ANKRD52: variants seen among roughly 807,000 people sequenced by gnomAD.
ANKRD52 encodes the protein serine/threonine-protein phosphatase 6 regulatory ankyrin repeat subunit C.
A neutral mutation model predicts 116.0 loss-of-function variants in ANKRD52; 7 were observed. The ratio of observed to expected loss-of-function variants is 0.06; its 90% CI spans 0.03 to 0.11. ANKRD52 has a LOEUF of 0.11. Ranked by LOEUF, ANKRD52 falls within the 10% of genes least tolerant of loss-of-function variation. The pLI, the probability that ANKRD52 is intolerant of heterozygous loss-of-function variation, is 1.00. For missense variants in ANKRD52, 839 were observed against 1,408.6 expected (o/e 0.60, Z 6.47); for synonymous variants, 528 against 578.1 (o/e 0.91, Z 1.24).
At position 56,258,365 on chromosome 12, in the gene ANKRD52, G is replaced by A. The variant is rs922994543; in HGVS notation, c.-96C>T. The A allele has an allele frequency of 3.1e-6, 4 of 1,294,296 alleles. No individual in the cohort carries two copies. The highest frequency in any genetic ancestry group is 2.3e-5 in the South Asian group (1 of 43,430). The allele number at this position is 1,294,296 out of a possible 1,614,324, so 80.2% of individuals were successfully genotyped here. A position where few individuals can be genotyped will look rare whatever the true frequency, so the allele number is the denominator to read the frequency against. On this transcript the variant is annotated 5_prime_UTR_variant, in exon 1 of 28. Coordinates refer to ENST00000267116, the MANE Select transcript of ANKRD52 (RefSeq NM_173595.4). ...CGGCCCAGGCGGCGGCTGCGGTGGC[G>A]GCTGCAGGGAGAGCGCGGCCCCGCC...
intron 20 of ANKRD52, 99 bp from the exon 21 acceptor site, chr12:56,245,695 C>T (rs1434774771): frequency 1.1e-6 from 1 of 873,632 alleles, no homozygotes; most frequent in Non-Finnish European, 1.7e-6. Context: ...ACTTCCAGGG[C>T]TCCAATCCTT....
chr12:56,249,019 C>T lies in ANKRD52; in HGVS notation c.1593-149G>A, dbSNP rs1267689258. 7.0e-6 allele frequency: 4 copies of T among 572,486 alleles called. No individual in the cohort carries two copies. The Admixed American group carries it at 1.3e-4, about 19-fold the overall frequency. 35.5% of individuals were successfully genotyped at this position (572,486 alleles called of 1,614,324 possible). On this transcript the variant is annotated intron_variant, in intron 15 of 27. Coordinates refer to ENST00000267116, the MANE Select transcript of ANKRD52 (RefSeq NM_173595.4). ...TCTAGGTAGGTTCTCTAAATCCTACCCATTCTTCAATGGCAGCTCCAGACC... is the reference window on the plus strand; with the variant it reads ...TCTAGGTAGGTTCTCTAAATCCTACTCATTCTTCAATGGCAGCTCCAGACC...
rs2135875103 is a variant in ANKRD52, at chr12:56,242,043, T to C, written c.*1099A>G. The C allele has an allele frequency of 5.0e-6, 2 of 398,536 alleles. No individual in the cohort carries two copies. The highest frequency in any genetic ancestry group is 4.4e-6 in the Non-Finnish European group (1 of 226,072). The allele number at this position is 398,536 out of a possible 1,614,324, so 24.7% of individuals were successfully genotyped here. A position where few individuals can be genotyped will look rare whatever the true frequency, so the allele number is the denominator to read the frequency against. On this transcript the variant is annotated 3_prime_UTR_variant, in exon 28 of 28. Coordinates refer to ENST00000267116, the MANE Select transcript of ANKRD52 (RefSeq NM_173595.4). The surrounding 1 kb of genome is among the most constrained non-coding windows in gnomAD (Gnocchi z 4.3). ...GTCGGCCCTGCCCCTCCTACCATCT[T>C]TGGCTTCAGATCAGGAGTGACTGGG...
chr12:56,252,651 T>A lies in ANKRD52; in HGVS notation c.1302-81A>T. ...GGGTGGGGCTAAGGAAGGATGGGAC[T>A]AGCAAGCCCTTTCTGCTGTGACTGC... On this transcript the variant is annotated intron_variant, in intron 12 of 27. Transcript: ENST00000267116. This position sits in a 1 kb window ranked among gnomAD's most constrained non-coding sequence, Gnocchi z 4.7. The A allele has an allele frequency of 6.5e-7, 1 of 1,543,486 alleles. No homozygotes were observed. The highest frequency in any genetic ancestry group is 8.9e-7 in the Non-Finnish European group (1 of 1,118,380).
Position 56,244,217 on chromosome 12 carries a change from G to A in ANKRD52, c.2806-84C>T. 5 of 1,554,748 alleles carry A rather than the reference G, an allele frequency of 3.2e-6. No individual in the cohort carries two copies. Among genetic ancestry groups the A allele is most frequent in the South Asian group, 2.2e-5 (2 of 89,472 alleles). ...GCAGGAGTTGGGGAGAGTAACAGGA[G>A]GACAAACAGCTGCCCAACCAGTCGG... On this transcript the variant is annotated intron_variant, in intron 25 of 27. Transcript: ENST00000267116. The surrounding 1 kb of genome is among the most constrained non-coding windows in gnomAD (Gnocchi z 4.9).
rs779148132 is a variant in ANKRD52, at chr12:56,248,904, C to T, written c.1593-34G>A. The T allele has an allele frequency of 6.7e-7, 1 of 1,488,652 alleles. No homozygotes were observed. The highest frequency in any genetic ancestry group is 9.1e-7 in the Non-Finnish European group (1 of 1,095,134). 92.2% of individuals were successfully genotyped at this position (1,488,652 alleles called of 1,614,324 possible). On this transcript the variant is annotated intron_variant, in intron 15 of 27. Transcript: ENST00000267116. This position sits in a 1 kb window ranked among gnomAD's most constrained non-coding sequence, Gnocchi z 5.1. ...CCGGGGGTAGACTGTGAGGCAGGGACAGGCCCAGCCCAGGAGGGCACAGTT... is the reference window on the plus strand; with the variant it reads ...CCGGGGGTAGACTGTGAGGCAGGGATAGGCCCAGCCCAGGAGGGCACAGTT...
rs1872054364 is a variant in ANKRD52, at chr12:56,258,129, G to C, written c.27+114C>G. On this transcript the variant is annotated intron_variant, in intron 1 of 27. Transcript: ENST00000267116. Reference sequence around the variant, plus strand: ...AGGGGAGCGCGGCATGGGGCGGGGCGGGAGCTGCGGGAGCCCCGGGCTCAG... The same window carrying C: ...AGGGGAGCGCGGCATGGGGCGGGGCCGGAGCTGCGGGAGCCCCGGGCTCAG... 2.7e-6 allele frequency: 4 copies of C among 1,501,712 alleles called. No individual in the cohort carries two copies. The Admixed American group carries it at 7.9e-5, about 30-fold the overall frequency. The allele number at this position is 1,501,712 out of a possible 1,614,324, so 93.0% of individuals were successfully genotyped here.
chr12:56,245,708 C>CTTTTTT (rs918818332), intron 20 of ANKRD52, 112 bp from the exon 21 acceptor site: 44 of 397,858 alleles, frequency 1.1e-4, no homozygotes, highest in South Asian at 2.2e-4. Context: ...CAATCCTTGT[C>CTTTTTT]TTTTTTTTTT....
chr12:56,247,281 G>A (rs919878522), intron 20 of ANKRD52, among the ~76,000 whole-genome samples: 1 of 151,078 alleles, frequency 6.6e-6, no homozygotes, highest in African/African-American at 2.4e-5. Flanking sequence ...AGGAAGTCAA[G>A]GCTGCAGTGA....
Position 56,244,217 on chromosome 12 carries a change from G to C in ANKRD52, c.2806-84C>G. The C allele has an allele frequency of 6.4e-7, 1 of 1,554,748 alleles. No homozygotes were observed. The highest frequency in any genetic ancestry group is 8.9e-7 in the Non-Finnish European group (1 of 1,127,890). ...GCAGGAGTTGGGGAGAGTAACAGGA[G>C]GACAAACAGCTGCCCAACCAGTCGG... is the stretch of plus-strand genomic sequence containing the variant. On this transcript the variant is annotated intron_variant, in intron 25 of 27. Coordinates refer to ENST00000267116, the MANE Select transcript of ANKRD52 (RefSeq NM_173595.4). This position sits in a 1 kb window ranked among gnomAD's most constrained non-coding sequence, Gnocchi z 4.9.
At position 56,253,460 on chromosome 12, in the gene ANKRD52, G is replaced by T; in HGVS notation, c.986-58C>A. On this transcript the variant is annotated intron_variant, in intron 9 of 27. Transcript: ENST00000267116. This position sits in a 1 kb window ranked among gnomAD's most constrained non-coding sequence, Gnocchi z 5.5. ...AGACCTCAGGCTTAAGACCACTTTC[G>T]CGAGCTAGCCATGATTTGAGTGCCT... 2 of 1,354,424 alleles carry T rather than the reference G, an allele frequency of 1.5e-6. No homozygotes were observed. The highest frequency in any genetic ancestry group is 2.1e-6 in the Non-Finnish European group (2 of 952,432). The allele number at this position is 1,354,424 out of a possible 1,614,324, so 83.9% of individuals were successfully genotyped here.
rs762476927 is a variant in ANKRD52, at chr12:56,244,695, A to G, written c.2679T>C (p.Thr893=). The part of the protein sequence containing the change: ...EVNATDHTGR[T]ALMTAAENGQ... The stretch of plus-strand genomic sequence containing the variant: ...CGTTCTCAGCCGCCGTCATGAGCGC[A>G]GTGCGGCCAGTGTGGTCAGTGGCGT... The change falls in exon 24 of 28, where the codon ACT becomes ACC. Residue 893 remains threonine (T), a synonymous_variant. Coordinates refer to ENST00000267116, the MANE Select transcript of ANKRD52 (RefSeq NM_173595.4). This position sits in a 1 kb window ranked among gnomAD's most constrained non-coding sequence, Gnocchi z 4.9. 1.4e-5 allele frequency: 23 copies of G among 1,613,970 alleles called. No homozygotes were observed. In the South Asian group the frequency reaches 2.4e-4, roughly 17 times the overall value.
chr12:56,244,638 T>C lies in ANKRD52; in HGVS notation c.2722+14A>G. 7 of 1,613,180 alleles carry C rather than the reference T, an allele frequency of 4.3e-6. No individual in the cohort carries two copies. The highest frequency in any genetic ancestry group is 5.9e-6 in the Non-Finnish European group (7 of 1,179,738). ...CAGGGGAGCTCCTCCCTTCCACAAG[T>C]GGCCCCTACACACCCACAGCAGCGG... On this transcript the variant is annotated intron_variant, in intron 24 of 27. Coordinates refer to ENST00000267116, the MANE Select transcript of ANKRD52 (RefSeq NM_173595.4). This position sits in a 1 kb window ranked among gnomAD's most constrained non-coding sequence, Gnocchi z 4.9.
chr12:56,245,045 T>C lies in ANKRD52; in HGVS notation c.2493-56A>G, dbSNP rs1427054906. ...AAGGACAAGGGAAGTAGACTACCTG[T>C]CCTAAGCTCAAGTCATGGGCCCTCG... On this transcript the variant is annotated intron_variant, in intron 22 of 27. Coordinates refer to ENST00000267116, the MANE Select transcript of ANKRD52 (RefSeq NM_173595.4). The C allele has an allele frequency of 3.4e-5, 55 of 1,612,614 alleles. No homozygotes were observed. In the South Asian group the frequency reaches 5.2e-4, roughly 15 times the overall value.
chr12:56,242,902 T>C lies in ANKRD52; in HGVS notation c.*240A>G. 1.9e-6 allele frequency: 1 copy of C among 513,946 alleles called. No individual in the cohort carries two copies. Among genetic ancestry groups the C allele is most frequent in the Non-Finnish European group, 3.4e-6 (1 of 295,572 alleles). The allele number at this position is 513,946 out of a possible 1,614,324, so 31.8% of individuals were successfully genotyped here. ...GCATTTAGCAATCATTTTGGGACACTTGGCAGAAGGGGTCGCCCTGGGGGT... is the reference window on the plus strand; with the variant it reads ...GCATTTAGCAATCATTTTGGGACACCTGGCAGAAGGGGTCGCCCTGGGGGT... On this transcript the variant is annotated 3_prime_UTR_variant, in exon 28 of 28. Coordinates refer to ENST00000267116, the MANE Select transcript of ANKRD52 (RefSeq NM_173595.4). The surrounding 1 kb of genome is among the most constrained non-coding windows in gnomAD (Gnocchi z 4.3).
rs1025927777 is a variant in ANKRD52 at position 56,253,258 on chromosome 12, C to T, written c.1100+30G>A. 6.3e-7 allele frequency: 1 copy of T among 1,596,372 alleles called. No homozygotes were observed. The highest frequency in any genetic ancestry group is 1.1e-5 in the South Asian group (1 of 90,054). ...GAGCAGTCTGTGCAGATCTGGGCAGCCCAGAAGTGGAGTCGGGGCCCTGAC... is the reference window on the plus strand; with the variant it reads ...GAGCAGTCTGTGCAGATCTGGGCAGTCCAGAAGTGGAGTCGGGGCCCTGAC... On this transcript the variant is annotated intron_variant, in intron 10 of 27. Coordinates refer to ENST00000267116, the MANE Select transcript of ANKRD52 (RefSeq NM_173595.4). This position sits in a 1 kb window ranked among gnomAD's most constrained non-coding sequence, Gnocchi z 5.5.
In ANKRD52 at chr12:56,247,459, A is replaced by G. The variant is rs1275520244; in HGVS notation, c.2184+34T>C. On this transcript the variant is annotated intron_variant, in intron 20 of 27. Coordinates refer to ENST00000267116, the MANE Select transcript of ANKRD52 (RefSeq NM_173595.4). ...GTCCCATGCTCCCACACTGAGGCCC[A>G]TGTGCAAACAATCCCCCCTAGAAGC... 4 of 1,523,414 alleles carry G rather than the reference A, an allele frequency of 2.6e-6. No individual in the cohort carries two copies. In the Admixed American group the frequency reaches 7.8e-5, roughly 30 times the overall value. The allele number at this position is 1,523,414 out of a possible 1,614,324, so 94.4% of individuals were successfully genotyped here.
rs1871993695 is a variant in ANKRD52 at position 56,257,174 on chromosome 12, T to C, written c.191-89A>G. The C allele has an allele frequency of 1.9e-6, 3 of 1,555,464 alleles. No individual in the cohort carries two copies. In the Admixed American group the frequency reaches 5.7e-5, roughly 30 times the overall value. On this transcript the variant is annotated intron_variant, in intron 3 of 27. Coordinates refer to ENST00000267116, the MANE Select transcript of ANKRD52 (RefSeq NM_173595.4). ...TCAGGCCAGGAAATCTGAATGGAGC[T>C]GGAGCCTCGCCTGGACCAAGCCGGG...
chr12:56,244,139 G>A lies in ANKRD52; in HGVS notation c.2806-6C>T. ...AGGGCACATTTCTCATGGCCCTGAGGGAGGGGAACAGAGAGTGGAGACTTG... is the reference window on the plus strand; with the variant it reads ...AGGGCACATTTCTCATGGCCCTGAGAGAGGGGAACAGAGAGTGGAGACTTG... On this transcript the variant is annotated splice_region_variant and splice_polypyrimidine_tract_variant and intron_variant, in intron 25 of 27. Transcript: ENST00000267116. This position sits in a 1 kb window ranked among gnomAD's most constrained non-coding sequence, Gnocchi z 4.9. 1.2e-6 allele frequency: 2 copies of A among 1,613,912 alleles called. No individual in the cohort carries two copies. The highest frequency in any genetic ancestry group is 1.7e-6 in the Non-Finnish European group (2 of 1,179,804).
Sources: gnomAD v4.1 joint callset for allele counts (sites outside exome capture counted in the v4.1 genomes callset) on GRCh38, gnomAD v4.1.1 for gene constraint, Gnocchi (gnomAD v3.1) non-coding constraint, MANE v1.5 for transcripts, NCBI Gene and HGNC (gene_info 2026-07-23, HGNC 2026-07-21) for gene names.